RFX7: variants seen among roughly 807,000 people sequenced by gnomAD.
RFX7 encodes the protein regulatory factor X7.
In RFX7, 26 loss-of-function variants were observed where a neutral mutation model predicts 111.8. The ratio of observed to expected loss-of-function variants is 0.23; its 90% CI spans 0.17 to 0.32. RFX7 has a LOEUF of 0.32. Ranked by LOEUF, RFX7 falls within the 10% of genes least tolerant of loss-of-function variation. The pLI, the probability that RFX7 is intolerant of heterozygous loss-of-function variation, is 1.00. For synonymous variants in RFX7, 624 were observed against 624.4 expected, an observed-to-expected ratio of 1.00 and a Z score of 0.01; for missense variants, 1,573 against 1,772.9, an observed-to-expected ratio of 0.89 and a Z score of 2.02.
chr15:56,159,226 T>C (rs2042692430), intron 3 of RFX7, among the ~76,000 whole-genome samples: 1 of 152,258 alleles, frequency 6.6e-6, no homozygotes, highest in African/African-American at 2.4e-5. Context: ...AATTACATTT[T>C]CTTTATTCAT....
intron 5 of RFX7, among the ~76,000 whole-genome samples, chr15:56,107,805 T>A (rs1442998151): frequency 1.3e-5 from 2 of 152,176 alleles, no homozygotes; most frequent in Non-Finnish European, 1.5e-5. Flanking sequence ...ATGCAGGCGA[T>A]ATCGCCACTG....
At chr15:56,101,088 T>C (rs1422860076) in intron 8 of RFX7, among the ~76,000 whole-genome samples, 2 of 152,152 alleles carry the variant, frequency 1.3e-5, no homozygotes, top group Non-Finnish European at 2.9e-5. Flanking sequence ...AAAGTAGCAA[T>C]GGAAAAATTA....
intron 3 of RFX7, among the ~76,000 whole-genome samples, chr15:56,146,166 T>C (rs576944916): frequency 1.3e-5 from 2 of 152,282 alleles, no homozygotes; most frequent in East Asian, 1.9e-4. Context: ...GGCTTAATCA[T>C]AGCTCACTGC....
At chr15:56,165,609 A>G (rs2042773054) in intron 3 of RFX7, among the ~76,000 whole-genome samples, 1 of 152,216 alleles carries the variant, frequency 6.6e-6, no homozygotes. Context: ...GGAACTCATT[A>G]GACACGTTCC....
chr15:56,180,064 G>A (rs2042952178), intron 2 of RFX7, among the ~76,000 whole-genome samples: 3 of 152,016 alleles, frequency 2.0e-5, no homozygotes, highest in Non-Finnish European at 2.9e-5. Context: ...CAAAGAAATC[G>A]TGCAAAATGT....
chr15:56,188,743 T>C (rs2043068091), intron 2 of RFX7, among the ~76,000 whole-genome samples: 1 of 152,196 alleles, frequency 6.6e-6, no homozygotes, highest in Non-Finnish European at 1.5e-5. Flanking sequence ...AAATTTGAGC[T>C]GAAGCTTAAA....
chr15:56,140,338 G>A (rs1375913324), intron 5 of RFX7, among the ~76,000 whole-genome samples: 29 of 152,098 alleles, frequency 1.9e-4, no homozygotes, highest in Admixed American at 1.8e-3. Context: ...TTTTAAGCCC[G>A]TCGGAAAAGC....
intron 5 of RFX7, among the ~76,000 whole-genome samples, chr15:56,111,912 C>A (rs1053142832): frequency 1.3e-5 from 2 of 151,870 alleles, no homozygotes; most frequent in Non-Finnish European, 2.9e-5. Context: ...GTCAGGAGGT[C>A]GAGACCAGCC....
intron 3 of RFX7, among the ~76,000 whole-genome samples, chr15:56,150,330 CA>C (rs2042551732): frequency 6.6e-6 from 1 of 152,100 alleles, no homozygotes; most frequent in South Asian, 2.1e-4. Flanking sequence ...TCTGTCTCCT[CA>C]AGTGGGTCCC....
In RFX7 at chr15:56,243,763, G is replaced by A. The variant is rs1244756079; in HGVS notation, c.-321C>T. On this transcript the variant is annotated 5_prime_UTR_variant, in exon 1 of 10. Transcript: ENST00000559447. ...GGTCCCCGTGCTGCTGCAGCCCCAG[G>A]CACCGCTCCACGCCACTCCCCACGC... Among the ~76,000 whole-genome samples, 14 of 150,046 alleles carry A rather than the reference G, an allele frequency of 9.3e-5. No individual in the cohort carries two copies. Among genetic ancestry groups the A allele is most frequent in the Admixed American group, 4.0e-4 (6 of 15,092 alleles).
chr15:56,218,144 C>CTTTTTTTTTTT lies in RFX7; in HGVS notation c.161+24970_161+24980dup, dbSNP rs869249448. 6.9e-5 allele frequency among the ~76,000 whole-genome samples: 4 copies of CTTTTTTTTTTT among 57,974 alleles called. 1 individual carries two copies. The highest frequency in any genetic ancestry group is 9.2e-5 in the Non-Finnish European group (3 of 32,660). 38.0% of individuals were successfully genotyped at this position (57,974 alleles called of 152,430 possible). Reference sequence around the variant, plus strand: ...TTACAAGTAATTTAGAAATGATTTTCTTTTTTTTTTTTTTTTTTTTTTTTT... The same window carrying CTTTTTTTTTTT: ...TTACAAGTAATTTAGAAATGATTTTCTTTTTTTTTTTTTTTTTTTTTTTTTTTTTTTTTTTT... On this transcript the variant is annotated intron_variant, in intron 2 of 9. Transcript: ENST00000559447.
At chr15:56,109,917 G>C (rs1333148397) in intron 5 of RFX7, among the ~76,000 whole-genome samples, 7 of 151,474 alleles carry the variant, frequency 4.6e-5, no homozygotes, top group Admixed American at 2.0e-4. Flanking sequence ...AGGGAGATGG[G>C]GGGGTCAGAC....
At chr15:56,139,180 A>C (rs1211294783) in intron 5 of RFX7, among the ~76,000 whole-genome samples, 1 of 151,566 alleles carries the variant, frequency 6.6e-6, no homozygotes, top group East Asian at 1.9e-4. Context: ...TAGATTGGGG[A>C]AGTTCTCCTG....
chr15:56,241,530 T>A (rs2141248862), intron 2 of RFX7, among the ~76,000 whole-genome samples: 1 of 152,288 alleles, frequency 6.6e-6, no homozygotes, highest in South Asian at 2.1e-4. Flanking sequence ...CCAAGGTGCT[T>A]AATTCAATTT....
intron 2 of RFX7, among the ~76,000 whole-genome samples, chr15:56,215,834 G>C (rs1361279188): frequency 1.3e-5 from 2 of 152,162 alleles, no homozygotes; most frequent in African/African-American, 4.8e-5. Flanking sequence ...GGTGGGTTCT[G>C]TCTAACAGTC....
Position 56,096,372 on chromosome 15 carries a change from A to G in RFX7, c.1356T>C (p.Phe452=). The change falls in exon 10 of 10, where the codon TTT becomes TTC. Residue 452 remains phenylalanine, a synonymous_variant. Transcript: ENST00000559447. The part of the protein sequence containing the change: ...LTIRSPTTVL[F]TSSPIKTAVV... ...CAGCAGTTTTGATGGGACTACTAGTAAAGAGGACAGTAGTTGGAGAGCGAA... is the reference window on the plus strand; with the variant it reads ...CAGCAGTTTTGATGGGACTACTAGTGAAGAGGACAGTAGTTGGAGAGCGAA... 1 of 1,613,970 alleles carries G rather than the reference A, an allele frequency of 6.2e-7. No individual in the cohort carries two copies. The highest frequency in any genetic ancestry group is 8.5e-7 in the Non-Finnish European group (1 of 1,179,876).
At position 56,093,784 on chromosome 15, in the gene RFX7, G is replaced by A. The variant is rs986779918; in HGVS notation, c.3944C>T (p.Ser1315Phe). The change falls in exon 10 of 10, where the codon TCT becomes TTT. Residue 1315 changes from serine (S) to phenylalanine (F), a missense_variant. Physicochemically the swap from Ser to Phe is radical, Grantham distance 155. Around this residue, in one of 7 missense-constraint regions of RFX7, gnomAD observed 411 missense variants for 478.1 expected, o/e 0.86. Coordinates refer to ENST00000559447, the MANE Select transcript of RFX7 (RefSeq NM_022841.7). The stretch of plus-strand genomic sequence containing the variant: ...GGTGCTATTACTTTTGGTGAGGTAA[G>A]ATGGTGTTTGGAACTCATAAACAGA... ...STSVYEFQTP[S>F]YLTKSNSTGQ... 3 of 1,613,930 alleles carry A rather than the reference G, an allele frequency of 1.9e-6. No individual in the cohort carries two copies. The highest frequency in any genetic ancestry group is 1.7e-5 in the Admixed American group (1 of 60,012).
intron 3 of RFX7, among the ~76,000 whole-genome samples, chr15:56,149,955 C>T (rs1403665852): frequency 2.7e-5 from 4 of 148,254 alleles, no homozygotes; most frequent in East Asian, 2.1e-4. Flanking sequence ...AACTAAGATC[C>T]GCTGGCTTGA....
In RFX7 at chr15:56,093,083, T is replaced by G. The variant is rs2041617612; in HGVS notation, c.*262A>C. ...AAAGATCGACTGCTCTTGTAACAGC[T>G]GGATAGTCAATCAATGTGAATAAAT... On this transcript the variant is annotated 3_prime_UTR_variant, in exon 10 of 10. Coordinates refer to ENST00000559447, the MANE Select transcript of RFX7 (RefSeq NM_022841.7). The G allele has an allele frequency of 2.9e-5, 11 of 383,874 alleles. No individual in the cohort carries two copies. The South Asian group carries it at 7.4e-4, about 26-fold the overall frequency. The allele number at this position is 383,874 out of a possible 1,614,324, so 23.8% of individuals were successfully genotyped here.
Sources: gnomAD v4.1 joint callset for allele counts (sites outside exome capture counted in the v4.1 genomes callset) on GRCh38, gnomAD v4.1.1 for gene constraint, gnomAD v4.1.1 regional missense constraint, MANE v1.5 for transcripts, NCBI Gene and HGNC (gene_info 2026-07-23, HGNC 2026-07-21) for gene names.